Variants in KATNBL1 observed in about 807,000 individuals in gnomAD.
KATNBL1 encodes the protein katanin regulatory subunit B1 like 1, also known as KATNB1-like protein 1.
In KATNBL1, 28 loss-of-function variants were observed where a neutral mutation model predicts 44.7. The observed-to-expected ratio is 0.63, with a 90% CI of 0.46 to 0.86. The LOEUF (loss-of-function observed/expected upper bound fraction) is 0.86, where lower values mean the gene tolerates loss of function less well. Among genes scored for constraint, KATNBL1 ranks in the 40% least tolerant of loss-of-function variants. The probability of loss-of-function intolerance (pLI) is 0.00; values close to 1 mark genes in which losing one functional copy is unlikely to be tolerated. For missense variants in KATNBL1, 272 were observed against 350.7 expected (o/e 0.78, Z 1.79); for synonymous variants, 78 against 114.9 (o/e 0.68, Z 2.06).
intron 1 of KATNBL1, among the ~76,000 whole-genome samples, chr15:34,194,455 GA>G (rs951544580): frequency 2.0e-5 from 3 of 151,138 alleles, no homozygotes; most frequent in South Asian, 2.1e-4. Flanking sequence ...TAAAAAATAA[GA>G]AAAAAAAACT....
intron 2 of KATNBL1, among the ~76,000 whole-genome samples, chr15:34,162,641 G>A (rs117433398): frequency 0.029 from 4,420 of 152,154 alleles, 83 homozygotes; most frequent in Middle Eastern, 0.075. Context: ...ATAGGATCTC[G>A]CACTGTCACC....
chr15:34,151,435 ACTTTTTTTTTTTTTTT>A (rs1888471667), intron 4 of KATNBL1, among the ~76,000 whole-genome samples: 1 of 63,828 alleles, frequency 1.6e-5, no homozygotes, highest in Non-Finnish European at 3.2e-5. Flanking sequence ...TCCTTTGCCT[ACTTTTTTTTTTTTTTT>A]TTTTTTTTTT....
chr15:34,187,725 T>A (rs1412692670), intron 1 of KATNBL1, among the ~76,000 whole-genome samples: 10 of 152,186 alleles, frequency 6.6e-5, no homozygotes, highest in Non-Finnish European at 8.8e-5. Flanking sequence ...GAACCTATCA[T>A]AAGGCCATTT....
chr15:34,197,610 G>C (rs1890059834), intron 1 of KATNBL1, among the ~76,000 whole-genome samples: 2 of 152,188 alleles, frequency 1.3e-5, no homozygotes, highest in South Asian at 4.2e-4. Context: ...GAAAGGATAA[G>C]GGTTATTTCT....
chr15:34,172,471 G>A (rs1889193581), intron 1 of KATNBL1, among the ~76,000 whole-genome samples: 1 of 151,824 alleles, frequency 6.6e-6, no homozygotes, highest in Non-Finnish European at 1.5e-5. Context: ...TGGCCAGGCT[G>A]GTCTCAAACT....
At chr15:34,167,382 A>C (rs1477731403) in intron 1 of KATNBL1, among the ~76,000 whole-genome samples, 1 of 152,240 alleles carries the variant, frequency 6.6e-6, no homozygotes, top group East Asian at 1.9e-4. Context: ...ATACAGCAAG[A>C]AGACAAGATT....
At chr15:34,181,158 C>T (rs1889513170) in intron 1 of KATNBL1, among the ~76,000 whole-genome samples, 1 of 148,802 alleles carries the variant, frequency 6.7e-6, no homozygotes, top group Non-Finnish European at 1.5e-5. Flanking sequence ...TTAATGGATG[C>T]TGTATGGTGT....
chr15:34,190,603 C>T (rs570212569), intron 1 of KATNBL1, among the ~76,000 whole-genome samples: 18 of 152,048 alleles, frequency 1.2e-4, no homozygotes, highest in Non-Finnish European at 2.1e-4. Flanking sequence ...ATTTGAGCAT[C>T]AATAGAAAGC....
At chr15:34,149,323 A>G (rs1888399074) in intron 4 of KATNBL1, among the ~76,000 whole-genome samples, 1 of 152,228 alleles carries the variant, frequency 6.6e-6, no homozygotes, top group Admixed American at 6.5e-5. Context: ...ACAAAGACAA[A>G]TTAAGTACAC....
At chr15:34,199,330 T>C (rs1890107971) in intron 1 of KATNBL1, among the ~76,000 whole-genome samples, 1 of 152,038 alleles carries the variant, frequency 6.6e-6, no homozygotes, top group East Asian at 1.9e-4. Context: ...CCAGCTACTC[T>C]GGAGGCTAAG....
intron 1 of KATNBL1, among the ~76,000 whole-genome samples, chr15:34,201,791 G>A (rs1055701466): frequency 1.3e-5 from 2 of 152,036 alleles, no homozygotes; most frequent in South Asian, 2.1e-4. Context: ...CTCTGTATCC[G>A]TGGGTTCAGC....
At chr15:34,202,422 C>T (rs1242094598) in intron 1 of KATNBL1, among the ~76,000 whole-genome samples, 2 of 151,708 alleles carry the variant, frequency 1.3e-5, no homozygotes, top group East Asian at 3.9e-4. Context: ...AAAAATGATA[C>T]TAGAGACATT....
chr15:34,189,165 C>T (rs1230717669), intron 1 of KATNBL1, among the ~76,000 whole-genome samples: 1 of 152,156 alleles, frequency 6.6e-6, no homozygotes, highest in Admixed American at 6.5e-5. Context: ...GGTGGGATTA[C>T]AGGCATGCGC....
chr15:34,151,904 C>T (rs947452367), intron 4 of KATNBL1, among the ~76,000 whole-genome samples: 7 of 151,626 alleles, frequency 4.6e-5, no homozygotes, highest in Admixed American at 1.3e-4. Flanking sequence ...ATTGAGAGCC[C>T]GGCAAAATGT....
intron 1 of KATNBL1, among the ~76,000 whole-genome samples, chr15:34,199,165 G>A (rs961337237): frequency 6.6e-6 from 1 of 152,178 alleles, no homozygotes; most frequent in African/African-American, 2.4e-5. Flanking sequence ...CCGGCCAGGC[G>A]CAGTGGCTCA....
intron 1 of KATNBL1, among the ~76,000 whole-genome samples, chr15:34,195,231 G>A (rs1889996622): frequency 6.6e-6 from 1 of 152,190 alleles, no homozygotes; most frequent in Non-Finnish European, 1.5e-5. Flanking sequence ...TAAAGAAAAT[G>A]TGGTACATAT....
chr15:34,198,863 G>A (rs1441672791), intron 1 of KATNBL1, among the ~76,000 whole-genome samples: 1 of 152,174 alleles, frequency 6.6e-6, no homozygotes, highest in African/African-American at 2.4e-5. Flanking sequence ...TAAAATATGA[G>A]AAACTATTAT....
intron 2 of KATNBL1, among the ~76,000 whole-genome samples, chr15:34,158,069 C>T (rs1372471669): frequency 6.6e-6 from 1 of 152,140 alleles, no homozygotes; most frequent in Non-Finnish European, 1.5e-5. Context: ...TACTTTGGAA[C>T]AGTCTTAATT....
intron 1 of KATNBL1, among the ~76,000 whole-genome samples, chr15:34,207,881 A>G (rs1567542600): frequency 1.3e-5 from 2 of 152,072 alleles, no homozygotes; most frequent in Admixed American, 6.6e-5. Context: ...GGGATTACCA[A>G]CCCTGCCTAG....
Sources: gnomAD v4.1 joint callset for allele counts (sites outside exome capture counted in the v4.1 genomes callset) on GRCh38, gnomAD v4.1.1 for gene constraint, MANE v1.5 for transcripts, NCBI Gene and HGNC (gene_info 2026-07-23, HGNC 2026-07-21) for gene names.